LINGO2: variants seen among roughly 807,000 people sequenced by gnomAD.
The protein encoded by LINGO2 is leucine rich repeat and Ig domain containing 2.
Under a neutral mutation model 30.6 loss-of-function variants are expected in LINGO2, and 14 were observed. The ratio of observed to expected loss-of-function variants is 0.46; its 90% CI spans 0.30 to 0.72. The LOEUF (loss-of-function observed/expected upper bound fraction) is 0.72, where lower values mean the gene tolerates loss of function less well. Ranked by LOEUF, LINGO2 falls within the 30% of genes least tolerant of loss-of-function variation. The pLI, the probability that LINGO2 is intolerant of heterozygous loss-of-function variation, is 0.07. For missense variants in LINGO2, 729 were observed against 751.7 expected, an observed-to-expected ratio of 0.97 and a Z score of 0.35; for synonymous variants, 317 against 288.5, an observed-to-expected ratio of 1.10 and a Z score of -1.00.
rs189711305 is a variant in LINGO2 at position 28,397,142 on chromosome 9, A to C, written c.-278-24274T>G. Among the ~76,000 whole-genome samples, 171 of 152,208 alleles carry C rather than the reference A, an allele frequency of 1.1e-3. 1 individual carries two copies. The highest frequency in any genetic ancestry group is 4.1e-3 in the African/African-American group (170 of 41,530). The stretch of plus-strand genomic sequence containing the variant: ...TAATCCTGGACTTAATTTTCTAAGA[A>C]GAGTTCTATCACTTGGCATGTAATG... On this transcript the variant is annotated intron_variant, in intron 2 of 5. Coordinates refer to ENST00000379992, the Ensembl canonical transcript of LINGO2.
chr9:28,226,713 A>AAG (rs1397211182), intron 4 of LINGO2, among the ~76,000 whole-genome samples: 23 of 150,216 alleles, frequency 1.5e-4, no homozygotes, highest in African/African-American at 4.7e-4. Context: ...GAGAAAGAGA[A>AAG]AGAAAGAAAG....
chr9:28,600,489 A>C (rs1439357777), intron 1 of LINGO2, among the ~76,000 whole-genome samples: 1 of 152,182 alleles, frequency 6.6e-6, no homozygotes, highest in Non-Finnish European at 1.5e-5. Flanking sequence ...AAGCACTATT[A>C]TAATAAGCAT....
At chr9:28,615,543 T>C (rs987284184) in intron 1 of LINGO2, among the ~76,000 whole-genome samples, 5 of 152,136 alleles carry the variant, frequency 3.3e-5, no homozygotes, top group African/African-American at 1.2e-4. Context: ...GAATCCGTAA[T>C]ATACAAAATT....
At chr9:28,035,866 G>T (rs1466231353) in intron 4 of LINGO2, among the ~76,000 whole-genome samples, 1 of 146,080 alleles carries the variant, frequency 6.8e-6, no homozygotes, top group Non-Finnish European at 1.5e-5. Flanking sequence ...AAACAAGGAT[G>T]AAATGATAGC....
the LINGO2 span, among the ~76,000 whole-genome samples, chr9:29,201,982 T>C: frequency 6.6e-6 from 1 of 152,060 alleles, no homozygotes. Context: ...TTACCTCTTT[T>C]ACCAATTGGA....
chr9:28,418,341 C>A (rs150485122), intron 2 of LINGO2, among the ~76,000 whole-genome samples: 9 of 141,436 alleles, frequency 6.4e-5, no homozygotes, highest in African/African-American at 2.1e-4. Flanking sequence ...TGCAGTGGCA[C>A]AATCTTGGCT....
intron 4 of LINGO2, among the ~76,000 whole-genome samples, chr9:28,043,090 G>T (rs1034597497): frequency 3.3e-5 from 5 of 152,208 alleles, no homozygotes; most frequent in African/African-American, 1.2e-4. Flanking sequence ...CTAAGCCCCT[G>T]GTGTTAATGA....
chr9:29,190,135 T>A, the LINGO2 span, among the ~76,000 whole-genome samples: 1 of 152,104 alleles, frequency 6.6e-6, no homozygotes, highest in Non-Finnish European at 1.5e-5. Flanking sequence ...CTTTAAGAAA[T>A]GCATTAAAAT....
the LINGO2 span, among the ~76,000 whole-genome samples, chr9:28,832,783 A>G: frequency 6.6e-6 from 1 of 152,206 alleles, no homozygotes; most frequent in Non-Finnish European, 1.5e-5. Flanking sequence ...GTCTACTCAG[A>G]GAACTCTACA....
chr9:28,716,703 G>C, the LINGO2 span, among the ~76,000 whole-genome samples: 2 of 152,202 alleles, frequency 1.3e-5, no homozygotes, highest in East Asian at 3.9e-4. Flanking sequence ...AAGACAGAAA[G>C]ATAGATAGGT....
chr9:28,496,177 T>C (rs993739542), intron 1 of LINGO2, among the ~76,000 whole-genome samples: 11 of 152,232 alleles, frequency 7.2e-5, no homozygotes, highest in Middle Eastern at 3.4e-3. Flanking sequence ...CTATTAGGTC[T>C]GCTTGGTGCA....
chr9:28,989,099 T>G, the LINGO2 span, among the ~76,000 whole-genome samples: 2 of 152,174 alleles, frequency 1.3e-5, no homozygotes, highest in African/African-American at 2.4e-5. Flanking sequence ...ATAATGGATA[T>G]GCTATATTAT....
chr9:27,993,207 TC>T (rs997157185), intron 5 of LINGO2, among the ~76,000 whole-genome samples: 9 of 152,110 alleles, frequency 5.9e-5, no homozygotes, highest in African/African-American at 2.2e-4. Context: ...TTGGTAATTT[TC>T]CCCCCTCTTT....
chr9:28,549,842 T>G (rs1185311462), intron 1 of LINGO2, among the ~76,000 whole-genome samples: 1 of 151,864 alleles, frequency 6.6e-6, no homozygotes, highest in East Asian at 1.9e-4. Context: ...TTTTTTCTCA[T>G]ACTCTTTAAT....
the LINGO2 span, among the ~76,000 whole-genome samples, chr9:29,071,375 T>C: frequency 1.3e-5 from 2 of 150,268 alleles, no homozygotes; most frequent in African/African-American, 4.9e-5. Context: ...TTTAAATATA[T>C]AACAATTTCA....
intron 1 of LINGO2, among the ~76,000 whole-genome samples, chr9:28,602,395 A>T (rs1311367787): frequency 3.3e-5 from 5 of 152,130 alleles, no homozygotes; most frequent in Middle Eastern, 3.2e-3. Context: ...TATTAATGAC[A>T]AGGACCATGA....
chr9:28,736,650 G>T, the LINGO2 span, among the ~76,000 whole-genome samples: 2 of 151,986 alleles, frequency 1.3e-5, no homozygotes, highest in Admixed American at 6.6e-5. Flanking sequence ...AAATTAGCCG[G>T]GTGTGGTGGC....
At chr9:28,341,188 T>C (rs1483232592) in intron 3 of LINGO2, among the ~76,000 whole-genome samples, 1 of 152,092 alleles carries the variant, frequency 6.6e-6, no homozygotes, top group Non-Finnish European at 1.5e-5. Context: ...AAAATCCATC[T>C]CTTACAGCAC....
the LINGO2 span, among the ~76,000 whole-genome samples, chr9:29,187,285 A>C: frequency 6.6e-6 from 1 of 152,220 alleles, no homozygotes; most frequent in African/African-American, 2.4e-5. Context: ...CTGAGCAAAA[A>C]CAATTATAAA....
Sources: gnomAD v4.1 joint callset for allele counts (sites outside exome capture counted in the v4.1 genomes callset) on GRCh38, gnomAD v4.1.1 for gene constraint, MANE v1.5 for transcripts, NCBI Gene and HGNC (gene_info 2026-07-23, HGNC 2026-07-21) for gene names.